Variants in HCN1 observed in about 807,000 individuals in gnomAD.
The protein encoded by HCN1 is potassium/sodium hyperpolarization-activated cyclic nucleotide-gated channel 1.
Under a neutral mutation model 78.9 loss-of-function variants are expected in HCN1, and 13 were observed. The ratio of observed to expected loss-of-function variants is 0.16; its 90% confidence interval spans 0.11 to 0.26. The LOEUF (loss-of-function observed/expected upper bound fraction) is 0.26. HCN1 is among the 10% of genes least tolerant of loss of function. The probability of loss-of-function intolerance (pLI) is 1.00; values close to 1 mark genes in which losing one functional copy is unlikely to be tolerated. For synonymous variants in HCN1, 552 were observed against 455.5 expected (o/e 1.21, Z -2.70); for missense variants, 810 against 1,154.3 (o/e 0.70, Z 4.32).
At chr5:45,693,473 T>C (rs1334982009) in intron 1 of HCN1, among the ~76,000 whole-genome samples, 1 of 152,174 alleles carries the variant, frequency 6.6e-6, no homozygotes, top group Non-Finnish European at 1.5e-5. Context: ...AAGTCAAATA[T>C]TCCAAACTAC....
intron 4 of HCN1, among the ~76,000 whole-genome samples, chr5:45,375,464 G>T (rs188521833): frequency 0.2 from 12,343 of 60,590 alleles, 2,346 homozygotes; most frequent in African/African-American, 0.42. Flanking sequence ...TGATACATAT[G>T]ATATATAAGA....
intron 2 of HCN1, among the ~76,000 whole-genome samples, chr5:45,549,624 A>G: frequency 6.6e-6 from 1 of 152,188 alleles, no homozygotes; most frequent in East Asian, 1.9e-4. Context: ...AAGTAATGGC[A>G]ACAAAAGCCA....
chr5:45,670,547 C>T (rs1746130708), intron 1 of HCN1, among the ~76,000 whole-genome samples: 1 of 151,568 alleles, frequency 6.6e-6, no homozygotes, highest in Non-Finnish European at 1.5e-5. Context: ...AATTTTGGAC[C>T]ATGCATTTTT....
intron 5 of HCN1, among the ~76,000 whole-genome samples, chr5:45,348,317 G>C (rs1340543005): frequency 6.6e-6 from 1 of 151,968 alleles, no homozygotes; most frequent in Non-Finnish European, 1.5e-5. Context: ...AGCAAATGCT[G>C]AGAGATTTTG....
chr5:45,470,831 C>A (rs1027711953), intron 2 of HCN1, among the ~76,000 whole-genome samples: 7 of 151,922 alleles, frequency 4.6e-5, no homozygotes, highest in Non-Finnish European at 1.0e-4. Context: ...TCACATGAAC[C>A]CTTAACTTTT....
intron 4 of HCN1, among the ~76,000 whole-genome samples, chr5:45,375,741 C>A (rs1480214692): frequency 0.016 from 1,316 of 80,228 alleles, 17 homozygotes; most frequent in African/African-American, 0.049. Context: ...TATGATATAT[C>A]TTATATATAA....
intron 1 of HCN1, among the ~76,000 whole-genome samples, chr5:45,692,658 G>C (rs1739936932): frequency 6.6e-6 from 1 of 152,102 alleles, no homozygotes; most frequent in Admixed American, 6.6e-5. Context: ...GCCAGGGGTA[G>C]AGAAAACTAC....
chr5:45,488,928 G>C (rs1334075176), intron 2 of HCN1, among the ~76,000 whole-genome samples: 7 of 152,148 alleles, frequency 4.6e-5, no homozygotes, highest in Admixed American at 4.6e-4. Context: ...TGTTATGAAA[G>C]GCTTTTGCCT....
chr5:45,570,664 A>G (rs1050525171), intron 2 of HCN1, among the ~76,000 whole-genome samples: 1 of 152,186 alleles, frequency 6.6e-6, no homozygotes, highest in African/African-American at 2.4e-5. Context: ...TAGTTGATCT[A>G]GTCTAAAAAC....
Position 45,261,872 on chromosome 5 carries a change from A to C in HCN1, c.*49T>G. ...ATAGAATAAAATAAGATCTGAGTAT[A>C]GTCTCAGTTTATGAGAGTATTTCTT... On this transcript the variant is annotated 3_prime_UTR_variant, in exon 8 of 8. Coordinates refer to ENST00000303230, the MANE Select transcript of HCN1 (RefSeq NM_021072.4). The C allele has an allele frequency of 6.2e-7, 1 of 1,607,984 alleles. No individual in the cohort carries two copies. Among genetic ancestry groups the C allele is most frequent in the Non-Finnish European group, 8.5e-7 (1 of 1,175,474 alleles).
chr5:45,478,135 CAATGAGACACTCTGTCAAAAAA>C (rs1404738095), intron 2 of HCN1, among the ~76,000 whole-genome samples: 4 of 151,374 alleles, frequency 2.6e-5, no homozygotes, highest in African/African-American at 9.7e-5. Context: ...GCCTGGGTGA[CAATGAGACACTCTGTCAAAAAA>C]AAAATTCATA....
At chr5:45,297,713 C>T (rs72759959) in intron 6 of HCN1, among the ~76,000 whole-genome samples, 1 of 151,884 alleles carries the variant, frequency 6.6e-6, no homozygotes, top group African/African-American at 2.4e-5. Context: ...AAAATCATGA[C>T]CAAAATATTA....
chr5:45,433,795 GA>G (rs571829653), intron 3 of HCN1, among the ~76,000 whole-genome samples: 2 of 152,010 alleles, frequency 1.3e-5, no homozygotes, highest in Non-Finnish European at 2.9e-5. Flanking sequence ...AAGCAAAAGT[GA>G]AAAAAATGCC....
chr5:45,593,068 T>C (rs1744407161), intron 2 of HCN1, among the ~76,000 whole-genome samples: 1 of 152,240 alleles, frequency 6.6e-6, no homozygotes, highest in African/African-American at 2.4e-5. Flanking sequence ...GATAACTAAT[T>C]TGGAAATTAC....
At chr5:45,618,243 C>T (rs1007796302) in intron 2 of HCN1, among the ~76,000 whole-genome samples, 1 of 151,578 alleles carries the variant, frequency 6.6e-6, no homozygotes, top group Admixed American at 6.6e-5. Context: ...CTGGAAGATA[C>T]GGGTGTGTGT....
intron 3 of HCN1, among the ~76,000 whole-genome samples, chr5:45,440,751 G>C (rs912246310): frequency 1.3e-5 from 2 of 152,086 alleles, no homozygotes; most frequent in African/African-American, 4.8e-5. Context: ...TTTAGTTCCT[G>C]GTGCTGTAGC....
chr5:45,316,238 G>A (rs1280374751), intron 5 of HCN1, among the ~76,000 whole-genome samples: 1 of 152,118 alleles, frequency 6.6e-6, no homozygotes, highest in African/African-American at 2.4e-5. Context: ...CTTCATCCCT[G>A]GGATGCAAGG....
At chr5:45,497,462 T>C (rs1186520921) in intron 2 of HCN1, among the ~76,000 whole-genome samples, 2 of 152,222 alleles carry the variant, frequency 1.3e-5, no homozygotes, top group Non-Finnish European at 2.9e-5. Context: ...TGTAATGGCC[T>C]TCTTTGTCTC....
intron 1 of HCN1, among the ~76,000 whole-genome samples, chr5:45,682,274 TATATATATATATATAC>T (rs1739718358): frequency 5.7e-5 from 6 of 105,672 alleles, no homozygotes; most frequent in African/African-American, 2.7e-4. Context: ...TATATATACA[TATATATATATATATAC>T]ACATATATAT....
Sources: allele counts gnomAD v4.1 joint callset (sites outside exome capture counted in the v4.1 genomes callset), GRCh38; gene constraint gnomAD v4.1.1; transcripts MANE v1.5; gene names NCBI Gene and HGNC (gene_info 2026-07-23, HGNC 2026-07-21).